PPID: variants seen among roughly 807,000 people sequenced by gnomAD.
The protein encoded by PPID is peptidyl-prolyl cis-trans isomerase D.
In PPID, 47 loss-of-function variants were observed where a neutral mutation model predicts 48.1. That is an observed-to-expected ratio of 0.98 (90% CI 0.77 to 1.25). The LOEUF is 1.25. Among genes scored for constraint, PPID ranks in the 50% most tolerant of loss-of-function variants. PPID has a pLI of 0.00. For missense variants in PPID, 429 were observed against 443.5 expected (o/e 0.97, Z 0.29); for synonymous variants, 163 against 148.8 (o/e 1.10, Z -0.69).
chr4:158,718,452 C>T (rs1774905317), intron 3 of PPID, among the ~76,000 whole-genome samples: 1 of 152,152 alleles, frequency 6.6e-6, no homozygotes. Context: ...TATTTATATA[C>T]TATTATTCTC....
chr4:158,721,241 CT>C, intron 2 of PPID, 101 bp downstream of exon 2: 2 of 1,392,060 alleles, frequency 1.4e-6, no homozygotes, highest in Non-Finnish European at 2.0e-6. Context: ...GCTAATAGTA[CT>C]TTTTAAGCTT....
At chr4:158,718,974 G>A (rs1342821438) in intron 3 of PPID, among the ~76,000 whole-genome samples, 1 of 152,080 alleles carries the variant, frequency 6.6e-6, no homozygotes, top group Admixed American at 6.6e-5. Context: ...ATAAAAACTG[G>A]ATCACAATGA....
At chr4:158,711,556 C>T (rs952059625) in intron 7 of PPID, among the ~76,000 whole-genome samples, 1 of 152,126 alleles carries the variant, frequency 6.6e-6, no homozygotes, top group Non-Finnish European at 1.5e-5. Context: ...GGTCTTTTAA[C>T]CTAAGAGACT....
At chr4:158,717,431 C>T (rs1186330416) in intron 3 of PPID, among the ~76,000 whole-genome samples, 1 of 152,030 alleles carries the variant, frequency 6.6e-6, no homozygotes, top group Non-Finnish European at 1.5e-5. Context: ...TCACTTTAAA[C>T]TTTAAAAAAC....
intron 2 of PPID, among the ~76,000 whole-genome samples, chr4:158,720,905 G>A (rs1023866455): frequency 6.6e-6 from 1 of 151,954 alleles, no homozygotes; most frequent in Non-Finnish European, 1.5e-5. Flanking sequence ...TAGTAGAGAC[G>A]GGGTTTCACC....
At chr4:158,710,297 CGACTA>C (rs763850033) in intron 9 of PPID, 32 of 419,172 alleles carry the variant, frequency 7.6e-5, no homozygotes, top group Non-Finnish European at 1.2e-4. Context: ...GCTGAGCTCT[CGACTA>C]GACTAACCAG....
At chr4:158,711,318 C>CA (rs796603420) in intron 7 of PPID, among the ~76,000 whole-genome samples, 3 of 152,038 alleles carry the variant, frequency 2.0e-5, no homozygotes, top group Admixed American at 6.6e-5. Flanking sequence ...CTCAACCCCC[C>CA]AGGCTCAAGT....
rs1774993832 is a variant in PPID, at chr4:158,723,270, G to C, written c.19C>G (p.Gln7Glu). The C allele has an allele frequency of 2.5e-6, 4 of 1,613,736 alleles. No homozygotes were observed. The highest frequency in any genetic ancestry group is 3.4e-6 in the Non-Finnish European group (4 of 1,179,878). ...TTACTGGGGTTGGAGGGCTTGGCTT[G>C]GGGGGACGGGTGCGACATCTTGACT... is the stretch of plus-strand genomic sequence containing the variant. MSHPSPQAKPSNPSNPR... is the reference protein window; with the variant it reads MSHPSPEAKPSNPSNPR... The change falls in exon 1 of 10, where the codon CAA becomes GAA. Residue 7 changes from glutamine to glutamate, a missense_variant. Coordinates refer to ENST00000307720, the MANE Select transcript of PPID (RefSeq NM_005038.3).
chr4:158,722,963 C>T, intron 1 of PPID, among the ~76,000 whole-genome samples: 1 of 152,218 alleles, frequency 6.6e-6, no homozygotes. Flanking sequence ...TAAAGGACGC[C>T]ACAATTCCCG....
chr4:158,716,235 G>A (rs1339723939), intron 4 of PPID, among the ~76,000 whole-genome samples: 2 of 151,910 alleles, frequency 1.3e-5, no homozygotes, highest in Non-Finnish European at 2.9e-5. Flanking sequence ...CAATATTAAG[G>A]TCATTTTGAT....
chr4:158,717,048 C>T lies in PPID; in HGVS notation c.486G>A (p.Leu162=). 2 of 1,613,818 alleles carry T rather than the reference C, an allele frequency of 1.2e-6. No homozygotes were observed. Among genetic ancestry groups the T allele is most frequent in the Non-Finnish European group, 1.7e-6 (2 of 1,179,890 alleles). ...TTTCACCTTTCACTTCCACATTTTCCAATATCCTTGCCACTCCTATTCCTT... is the reference window on the plus strand; with the variant it reads ...TTTCACCTTTCACTTCCACATTTTCTAATATCCTTGCCACTCCTATTCCTT... ...VIKGIGVARI[L]ENVEVKGEKP... The change falls in exon 4 of 10, where the codon TTG becomes TTA. Residue 162 remains leucine, a synonymous_variant. Transcript: ENST00000307720.
intron 6 of PPID, among the ~76,000 whole-genome samples, chr4:158,714,885 C>T (rs1272896882): frequency 6.6e-6 from 1 of 152,140 alleles, no homozygotes; most frequent in Non-Finnish European, 1.5e-5. Flanking sequence ...CCACTATGCC[C>T]AGCCTAAATA....
intron 2 of PPID, among the ~76,000 whole-genome samples, chr4:158,720,799 C>A (rs1774945390): frequency 6.6e-6 from 1 of 152,148 alleles, no homozygotes; most frequent in Non-Finnish European, 1.5e-5. Context: ...ACTGCAAGCT[C>A]CACCTTCTGA....
intron 6 of PPID, among the ~76,000 whole-genome samples, chr4:158,714,592 C>CT (rs113579328): frequency 2.3e-3 from 331 of 141,954 alleles, no homozygotes; most frequent in Middle Eastern, 7.2e-3. Flanking sequence ...ATATGGATTA[C>CT]TTTTTTTTTT....
chr4:158,717,889 A>G (rs2126335825), intron 3 of PPID, among the ~76,000 whole-genome samples: 1 of 152,322 alleles, frequency 6.6e-6, no homozygotes, highest in South Asian at 2.1e-4. Context: ...ATGAAACCCA[A>G]TTTCTTAACC....
At position 158,723,340 on chromosome 4, in the gene PPID, C is replaced by G. The variant is rs2126344187; in HGVS notation, c.-52G>C. The G allele has an allele frequency of 6.4e-7, 1 of 1,551,724 alleles. No homozygotes were observed. The highest frequency in any genetic ancestry group is 2.3e-5 in the East Asian group (1 of 43,908). On this transcript the variant is annotated 5_prime_UTR_variant, in exon 1 of 10. Transcript: ENST00000307720. The stretch of plus-strand genomic sequence containing the variant: ...GAATATCAGAGTACCTAGTGGCCGC[C>G]CGGGCCGCCCAAACTCCAGAGTCCG...
Position 158,709,645 on chromosome 4 carries a change from C to T in PPID, c.*91G>A. The T allele has an allele frequency of 1.1e-6, 1 of 936,564 alleles. No individual in the cohort carries two copies. The highest frequency in any genetic ancestry group is 1.6e-6 in the Non-Finnish European group (1 of 618,408). The allele number at this position is 936,564 out of a possible 1,614,324, so 58.0% of individuals were successfully genotyped here. On this transcript the variant is annotated 3_prime_UTR_variant, in exon 10 of 10. Transcript: ENST00000307720. ...TAAGGAACTAAGGTGTCAAAAGAAA[C>T]ACATTAGGGATCATATTCATAGACA...
intron 4 of PPID, 105 bp downstream of exon 4, chr4:158,716,907 G>T: frequency 8.7e-7 from 1 of 1,152,914 alleles, no homozygotes; most frequent in South Asian, 1.4e-5. Context: ...GCTGCAGTGA[G>T]CCGAGACCGC....
Position 158,710,660 on chromosome 4 carries a change from T to G in PPID, c.992A>C (p.Lys331Thr). The G allele has an allele frequency of 6.2e-7, 1 of 1,613,968 alleles. No homozygotes were observed. The part of the protein sequence containing the change: ...KEYDQALADL[K>T]KAQGIAPEDK... The stretch of plus-strand genomic sequence containing the variant: ...TTCTGGTGCTATCCCCTGAGCTTTC[T>G]TAAGATCAGCCTTTAATTGGAAAAA... Residue 331 changes from lysine (K) to threonine (T), a missense_variant, in exon 9 of 10, where the codon AAG (lysine) becomes ACG (threonine). Physicochemically the swap from Lys to Thr is moderately conservative, Grantham distance 78 (BLOSUM62 -1). Transcript: ENST00000307720.
Sources: gnomAD v4.1 joint callset for allele counts (sites outside exome capture counted in the v4.1 genomes callset) on GRCh38, gnomAD v4.1.1 for gene constraint, MANE v1.5 for transcripts, NCBI Gene and HGNC (gene_info 2026-07-23, HGNC 2026-07-21) for gene names.